Variants in CSMD3 observed in about 807,000 individuals in gnomAD.
The protein encoded by CSMD3 is CUB and Sushi multiple domains 3, also known as CUB and sushi domain-containing protein 3.
Under a neutral mutation model 435.2 loss-of-function variants are expected in CSMD3, and 177 were observed. The ratio of observed to expected loss-of-function variants is 0.41; its 90% confidence interval spans 0.36 to 0.46. The LOEUF (loss-of-function observed/expected upper bound fraction) is 0.46. Among genes scored for constraint, CSMD3 ranks in the 20% least tolerant of loss-of-function variants. The pLI is 0.34. For synonymous variants in CSMD3, 1,656 were observed against 1,520.5 expected, an observed-to-expected ratio of 1.09 and a Z score of -2.07; for missense variants, 4,265 against 4,504.6, an observed-to-expected ratio of 0.95 and a Z score of 1.52.
chr8:112,389,303 A>G (rs1334068494), intron 36 of CSMD3, among the ~76,000 whole-genome samples: 1 of 152,208 alleles, frequency 6.6e-6, no homozygotes, highest in Non-Finnish European at 1.5e-5. Flanking sequence ...TTATAACCAG[A>G]TGATGTGGTA....
intron 1 of CSMD3, among the ~76,000 whole-genome samples, chr8:113,331,100 G>T (rs1053572808): frequency 5.3e-5 from 8 of 151,600 alleles, no homozygotes. Flanking sequence ...GAGAAGACAG[G>T]TTACTAAAAT....
chr8:112,570,851 G>A (rs181772542), intron 24 of CSMD3, among the ~76,000 whole-genome samples: 1 of 152,022 alleles, frequency 6.6e-6, no homozygotes, highest in Admixed American at 6.6e-5. Flanking sequence ...GATATGATAT[G>A]GAAATTTTTA....
At chr8:112,824,280 C>A (rs2079613041) in intron 12 of CSMD3, among the ~76,000 whole-genome samples, 2 of 152,074 alleles carry the variant, frequency 1.3e-5, no homozygotes, top group African/African-American at 4.8e-5. Flanking sequence ...TGTCTTTTAA[C>A]TGGGGCATTT....
intron 22 of CSMD3, among the ~76,000 whole-genome samples, chr8:112,603,646 T>C (rs1356067032): frequency 6.6e-6 from 1 of 152,218 alleles, no homozygotes; most frequent in Non-Finnish European, 1.5e-5. Context: ...TTTATGGTAG[T>C]AAATGATAAA....
chr8:113,189,551 G>T (rs1439107530), intron 3 of CSMD3, among the ~76,000 whole-genome samples: 1 of 151,748 alleles, frequency 6.6e-6, no homozygotes, highest in Non-Finnish European at 1.5e-5. Context: ...TCTTAATCAA[G>T]CATATAATTA....
chr8:112,790,461 C>T (rs757116484), intron 13 of CSMD3, among the ~76,000 whole-genome samples: 7 of 151,406 alleles, frequency 4.6e-5, no homozygotes, highest in Non-Finnish European at 1.0e-4. Flanking sequence ...TCAGATATTT[C>T]TTAGGCATGT....
chr8:112,326,840 G>C (rs72674705), intron 45 of CSMD3, among the ~76,000 whole-genome samples: 1 of 152,032 alleles, frequency 6.6e-6, no homozygotes, highest in East Asian at 1.9e-4. Context: ...TGCAGAGACA[G>C]GTGAAACCCT....
At chr8:112,583,601 A>G (rs1201376214) in intron 23 of CSMD3, among the ~76,000 whole-genome samples, 1 of 151,984 alleles carries the variant, frequency 6.6e-6, no homozygotes, top group Non-Finnish European at 1.5e-5. Flanking sequence ...AGCACACAAG[A>G]AAATTGTCAC....
At chr8:113,083,161 C>G (rs1473214321) in intron 5 of CSMD3, among the ~76,000 whole-genome samples, 1 of 151,866 alleles carries the variant, frequency 6.6e-6, no homozygotes, top group Non-Finnish European at 1.5e-5. Flanking sequence ...AAGAGGACCA[C>G]AGAAATGAAA....
intron 5 of CSMD3, among the ~76,000 whole-genome samples, chr8:113,085,261 T>G (rs2131474038): frequency 6.6e-6 from 1 of 151,040 alleles, no homozygotes; most frequent in South Asian, 2.1e-4. Context: ...CACCCACAAA[T>G]AATTCAGTTA....
chr8:112,822,217 T>C (rs925770722), intron 12 of CSMD3, among the ~76,000 whole-genome samples: 2 of 152,200 alleles, frequency 1.3e-5, no homozygotes, highest in African/African-American at 2.4e-5. Context: ...GGAGATAGCA[T>C]TGAATCTATA....
intron 31 of CSMD3, among the ~76,000 whole-genome samples, chr8:112,486,362 T>C (rs959365015): frequency 6.6e-6 from 1 of 152,088 alleles, no homozygotes; most frequent in Non-Finnish European, 1.5e-5. Flanking sequence ...CTGCTAACCA[T>C]GTGTGACTTT....
chr8:112,890,256 G>A lies in CSMD3; in HGVS notation c.1634-30990C>T, dbSNP rs141014269. On this transcript the variant is annotated intron_variant, in intron 10 of 70. Transcript: ENST00000297405. ...TAAATTGCCACTATCTAAGATAGATGACAGTTCTTTCAATGATTGCCAGCA... is the reference window on the plus strand; with the variant it reads ...TAAATTGCCACTATCTAAGATAGATAACAGTTCTTTCAATGATTGCCAGCA... Among the ~76,000 whole-genome samples the A allele has an allele frequency of 3.2e-3, 478 of 151,724 alleles. 4 individuals carry two copies. The highest frequency in any genetic ancestry group is 1.0e-2 in the African/African-American group (413 of 41,478).
chr8:113,149,551 G>C (rs957437826), intron 4 of CSMD3, among the ~76,000 whole-genome samples: 45 of 151,866 alleles, frequency 3.0e-4, no homozygotes, highest in African/African-American at 1.0e-3. Context: ...CCAAAGCTTT[G>C]AGATATTTTT....
intron 10 of CSMD3, among the ~76,000 whole-genome samples, chr8:112,919,063 C>G (rs1036101146): frequency 6.6e-6 from 1 of 151,874 alleles, no homozygotes; most frequent in African/African-American, 2.4e-5. Flanking sequence ...ACAAAATGGA[C>G]TTTGTAAACC....
intron 4 of CSMD3, among the ~76,000 whole-genome samples, chr8:113,133,109 G>T (rs946930093): frequency 1.3e-5 from 2 of 151,904 alleles, no homozygotes; most frequent in Non-Finnish European, 2.9e-5. Context: ...AATCAAAAGG[G>T]ACAATCAACA....
At chr8:112,435,091 G>C (rs1179853656) in intron 32 of CSMD3, among the ~76,000 whole-genome samples, 1 of 151,978 alleles carries the variant, frequency 6.6e-6, no homozygotes, top group South Asian at 2.1e-4. Context: ...GATTTTGCAG[G>C]GGAAAAGAAA....
chr8:113,263,904 C>A (rs2093447167), intron 3 of CSMD3, among the ~76,000 whole-genome samples: 1 of 151,586 alleles, frequency 6.6e-6, no homozygotes, highest in Admixed American at 6.6e-5. Context: ...TTATTTTATT[C>A]ATGCTGAAAA....
intron 6 of CSMD3, among the ~76,000 whole-genome samples, chr8:112,976,472 T>C (rs1008816922): frequency 3.9e-5 from 6 of 152,090 alleles, no homozygotes; most frequent in Non-Finnish European, 1.5e-5. Context: ...TAGCAACGAA[T>C]GCCTGGCAAG....
Sources: gnomAD v4.1 joint callset for allele counts (sites outside exome capture counted in the v4.1 genomes callset) on GRCh38, gnomAD v4.1.1 for gene constraint, MANE v1.5 for transcripts, NCBI Gene and HGNC (gene_info 2026-07-23, HGNC 2026-07-21) for gene names.